Variants in OR51B5 observed in about 807,000 individuals in gnomAD.
The protein encoded by OR51B5 is olfactory receptor family 51 subfamily B member 5, also known as olfactory receptor 51B5.
For missense variants in OR51B5, 456 were observed against 374.6 expected, an observed-to-expected ratio of 1.22 and a Z score of -1.79; for synonymous variants, 186 against 144.8, an observed-to-expected ratio of 1.28 and a Z score of -2.04.
chr11:5,379,888 C>T (rs772578405), intron 1 of OR51B5, among the ~76,000 whole-genome samples: 2 of 152,016 alleles, frequency 1.3e-5, no homozygotes, highest in Non-Finnish European at 2.9e-5. Flanking sequence ...TGCTCTTTGT[C>T]TGCTTTCTGC....
chr11:5,367,994 T>A (rs1174756038), intron 1 of OR51B5, among the ~76,000 whole-genome samples: 4 of 152,200 alleles, frequency 2.6e-5, no homozygotes, highest in African/African-American at 9.6e-5. Context: ...TCTACCAGAG[T>A]AGAGCTACTT....
intron 1 of OR51B5, among the ~76,000 whole-genome samples, chr11:5,486,060 A>G (rs2133811527): frequency 6.6e-6 from 1 of 152,210 alleles, no homozygotes; most frequent in African/African-American, 2.4e-5. Context: ...AGGCAAGGAG[A>G]AAGGACTCAC....
At chr11:5,390,011 AC>A in intron 1 of OR51B5, 1 of 1,613,300 alleles carries the variant, frequency 6.2e-7, no homozygotes, top group East Asian at 2.2e-5. Flanking sequence ...CACAGATATC[AC>A]CTTCAATAAT....
At chr11:5,428,664 A>G (rs553425449) in intron 1 of OR51B5, among the ~76,000 whole-genome samples, 1 of 152,362 alleles carries the variant, frequency 6.6e-6, no homozygotes, top group South Asian at 2.1e-4. Context: ...GAGAAATCTA[A>G]CATGATTGAC....
chr11:5,496,112 A>G (rs578149568), intron 1 of OR51B5, among the ~76,000 whole-genome samples: 1 of 151,526 alleles, frequency 6.6e-6, no homozygotes, highest in South Asian at 2.1e-4. Context: ...ATTCAAATGT[A>G]CCAGTAAAAT....
In OR51B5 at chr11:5,379,254, T is replaced by C. The variant is rs545053114; in HGVS notation, n.85-32344A>G. ...CATATTCTCACTCATAGATGGGAAC[T>C]GAACAATGAGAACACATGGACACAG... On this transcript the variant is annotated intron_variant and non_coding_transcript_variant, in intron 1 of 4. Transcript: ENST00000415970. Among the ~76,000 whole-genome samples the C allele has an allele frequency of 6.6e-5, 10 of 152,032 alleles. No homozygotes were observed. The South Asian group carries it at 2.1e-3, about 32-fold the overall frequency.
intron 1 of OR51B5, among the ~76,000 whole-genome samples, chr11:5,388,308 G>T (rs1241921965): frequency 6.6e-6 from 1 of 151,762 alleles, no homozygotes. Context: ...TACAGAAATT[G>T]ACAATGCTGC....
intron 1 of OR51B5, among the ~76,000 whole-genome samples, chr11:5,371,181 A>T (rs543805872): frequency 1.2e-4 from 19 of 152,340 alleles, no homozygotes; most frequent in Non-Finnish European, 2.4e-4. Context: ...ATACAAGGGC[A>T]CTGAAATATT....
At chr11:5,418,150 C>G (rs1317820227) in intron 1 of OR51B5, among the ~76,000 whole-genome samples, 3 of 151,366 alleles carry the variant, frequency 2.0e-5, no homozygotes, top group African/African-American at 7.3e-5. Flanking sequence ...TAAACTATTG[C>G]AAGAACAAAA....
At chr11:5,341,082 A>T (rs1403877470), downstream of OR51B5, 2 of 152,190 alleles carry the variant, frequency 1.3e-5, no homozygotes, top group Admixed American at 1.3e-4. Flanking sequence ...TCTTAATGAA[A>T]CAGAATATAA....
chr11:5,505,048 C>T (rs1156316020), intron 1 of OR51B5, among the ~76,000 whole-genome samples: 1 of 152,210 alleles, frequency 6.6e-6, no homozygotes, highest in African/African-American at 2.4e-5. Flanking sequence ...TCAAAGGAGC[C>T]TCAGGTTTTC....
At chr11:5,400,403 C>G (rs1281474041) in intron 1 of OR51B5, among the ~76,000 whole-genome samples, 1 of 151,798 alleles carries the variant, frequency 6.6e-6, no homozygotes, top group Non-Finnish European at 1.5e-5. Flanking sequence ...TAGTTTTTGT[C>G]AAAGTGCCAT....
intron 1 of OR51B5, among the ~76,000 whole-genome samples, chr11:5,479,943 G>C (rs1357784575): frequency 7.0e-6 from 1 of 142,622 alleles, no homozygotes; most frequent in Non-Finnish European, 1.5e-5. Flanking sequence ...GTCAACATTA[G>C]ACAGATCAAC....
rs190987219 is a variant in OR51B5, at chr11:5,387,997, T to C, written n.85-41087A>G. On this transcript the variant is annotated intron_variant and non_coding_transcript_variant, in intron 1 of 4. Transcript: ENST00000415970. ...TAATTGCAGTTCTTGCCATTGAAAG[T>C]AATGGTAAAAACCACAATTACTTTT... Among the ~76,000 whole-genome samples the C allele has an allele frequency of 1.8e-4, 27 of 152,304 alleles. No individual in the cohort carries two copies. In the East Asian group the frequency reaches 5.2e-3, roughly 29 times the overall value.
At chr11:5,458,545 G>C (rs943673779) in intron 1 of OR51B5, among the ~76,000 whole-genome samples, 1 of 152,144 alleles carries the variant, frequency 6.6e-6, no homozygotes, top group Admixed American at 6.5e-5. Context: ...ATTGCTTTGG[G>C]CAGTGTGGTT....
At chr11:5,359,839 G>T (rs76720221) in intron 1 of OR51B5, among the ~76,000 whole-genome samples, 1 of 151,570 alleles carries the variant, frequency 6.6e-6, no homozygotes, top group Non-Finnish European at 1.5e-5. Context: ...AAATAATGCC[G>T]CATGTCTACA....
intron 1 of OR51B5, among the ~76,000 whole-genome samples, chr11:5,374,468 C>A (rs1267847594): frequency 1.3e-5 from 2 of 152,106 alleles, no homozygotes; most frequent in Non-Finnish European, 2.9e-5. Context: ...AGCAACGGAA[C>A]AAAGCTGGAT....
intron 1 of OR51B5, among the ~76,000 whole-genome samples, chr11:5,466,611 C>G (rs571392676): frequency 6.6e-6 from 1 of 152,166 alleles, no homozygotes; most frequent in East Asian, 1.9e-4. Context: ...TTTATTTTTG[C>G]TCATAACTGT....
At chr11:5,466,588 G>T (rs1851141685) in intron 1 of OR51B5, among the ~76,000 whole-genome samples, 1 of 152,192 alleles carries the variant, frequency 6.6e-6, no homozygotes, top group Admixed American at 6.5e-5. Flanking sequence ...ATTCATCTTT[G>T]TCATTGATGT....
Sources: allele counts gnomAD v4.1 joint callset (sites outside exome capture counted in the v4.1 genomes callset), GRCh38; gene constraint gnomAD v4.1.1; transcripts MANE v1.5; gene names NCBI Gene and HGNC (gene_info 2026-07-23, HGNC 2026-07-21).